The following MACROD2 variants were observed in gnomAD, a reference collection of about 807,000 sequenced individuals.
MACROD2 encodes mono-ADP ribosylhydrolase 2.
Under a neutral mutation model 70.4 loss-of-function variants are expected in MACROD2, and 36 were observed. The observed-to-expected ratio is 0.51, with a 90% CI of 0.39 to 0.68. The LOEUF is 0.68. Ranked by LOEUF, MACROD2 falls within the 30% of genes least tolerant of loss-of-function variation. The probability of loss-of-function intolerance (pLI) is 0.00; values close to 1 mark genes in which losing one functional copy is unlikely to be tolerated. For missense variants in MACROD2, 496 were observed against 538.4 expected (o/e 0.92, Z 0.78); for synonymous variants, 172 against 178.8 (o/e 0.96, Z 0.30).
At chr20:14,264,013 ACACACACACACAC>A (rs2082122551) in intron 3 of MACROD2, among the ~76,000 whole-genome samples, 1 of 127,464 alleles carries the variant, frequency 7.8e-6, no homozygotes, top group African/African-American at 2.8e-5. Flanking sequence ...ACACACACAC[ACACACACACACAC>A]AACACAAGTG....
chr20:14,522,060 A>G (rs2085174377), intron 4 of MACROD2, among the ~76,000 whole-genome samples: 1 of 152,204 alleles, frequency 6.6e-6, no homozygotes, highest in Non-Finnish European at 1.5e-5. Context: ...ATGAGAGGAC[A>G]GGCAGGACTC....
At position 14,659,564 on chromosome 20, in the gene MACROD2, T is replaced by C. The variant is rs184781107; in HGVS notation, c.302-25279T>C. Among the ~76,000 whole-genome samples the C allele has an allele frequency of 5.3e-5, 8 of 152,256 alleles. 1 individual carries two copies. The East Asian group carries it at 1.5e-3, about 29-fold the overall frequency. Reference sequence around the variant, plus strand: ...TCTCCAAGATGAGCAAATCCCTTAATTGTATTTCAAAAATTCTCCCCAGTT... The same window carrying C: ...TCTCCAAGATGAGCAAATCCCTTAACTGTATTTCAAAAATTCTCCCCAGTT... On this transcript the variant is annotated intron_variant, in intron 4 of 17. Coordinates refer to ENST00000684519, the MANE Select transcript of MACROD2 (RefSeq NM_001351661.2).
At chr20:14,459,515 T>G (rs1236816744) in intron 3 of MACROD2, among the ~76,000 whole-genome samples, 2 of 151,896 alleles carry the variant, frequency 1.3e-5, no homozygotes, top group East Asian at 3.8e-4. Flanking sequence ...TATATATGTG[T>G]GTATGTATGT....
At chr20:14,991,011 C>T (rs2074898887) in intron 5 of MACROD2, among the ~76,000 whole-genome samples, 1 of 152,170 alleles carries the variant, frequency 6.6e-6, no homozygotes, top group Non-Finnish European at 1.5e-5. Context: ...GTGAGACTGT[C>T]TCTTTTTCAA....
intron 8 of MACROD2, among the ~76,000 whole-genome samples, chr20:15,548,236 C>T (rs1415088229): frequency 6.6e-6 from 1 of 152,078 alleles, no homozygotes; most frequent in Non-Finnish European, 1.5e-5. Flanking sequence ...TAGGAAAGAC[C>T]TTCTTTTTCA....
chr20:14,869,905 C>T (rs561228747), intron 5 of MACROD2, among the ~76,000 whole-genome samples: 1 of 152,252 alleles, frequency 6.6e-6, no homozygotes, highest in African/African-American at 2.4e-5. Context: ...GCAGTAACTG[C>T]ACCATACAAC....
At chr20:15,409,835 G>A (rs1391578674) in intron 6 of MACROD2, among the ~76,000 whole-genome samples, 2 of 152,164 alleles carry the variant, frequency 1.3e-5, no homozygotes, top group African/African-American at 4.8e-5. Context: ...CAATGAGAAG[G>A]CACTGATGTA....
intron 5 of MACROD2, chr20:14,905,380 G>C (rs1020104434): frequency 2.6e-5 from 4 of 152,056 alleles, no homozygotes; most frequent in African/African-American, 4.8e-5. Context: ...TTACTATGAA[G>C]TCAAACTGCA....
chr20:14,273,032 C>T (rs2082211590), intron 3 of MACROD2, among the ~76,000 whole-genome samples: 1 of 151,656 alleles, frequency 6.6e-6, no homozygotes, highest in South Asian at 2.1e-4. Context: ...TAGACTCCTA[C>T]ACAATAATAA....
intron 5 of MACROD2, among the ~76,000 whole-genome samples, chr20:15,079,366 C>T (rs1044152629): frequency 6.6e-6 from 1 of 152,072 alleles, no homozygotes; most frequent in Admixed American, 6.6e-5. Flanking sequence ...TCCTTCACTT[C>T]TCTTCTGGTC....
intron 5 of MACROD2, among the ~76,000 whole-genome samples, chr20:14,917,380 T>C (rs1005793205): frequency 2.0e-5 from 3 of 152,118 alleles, no homozygotes; most frequent in Non-Finnish European, 2.9e-5. Context: ...GATTGTTCCA[T>C]TGTGGGTCCC....
chr20:14,456,970 G>C (rs1228628215), intron 3 of MACROD2, among the ~76,000 whole-genome samples: 4 of 151,932 alleles, frequency 2.6e-5, no homozygotes, highest in African/African-American at 9.7e-5. Flanking sequence ...GCCCGCCTCG[G>C]CCTCCTGGTT....
chr20:14,820,708 G>A (rs913918700), intron 5 of MACROD2, among the ~76,000 whole-genome samples: 2 of 152,052 alleles, frequency 1.3e-5, no homozygotes, highest in Middle Eastern at 3.4e-3. Context: ...ATAGATTTCC[G>A]TTACATTCTT....
intron 4 of MACROD2, among the ~76,000 whole-genome samples, chr20:14,609,859 G>C (rs1267063733): frequency 6.6e-6 from 1 of 152,124 alleles, no homozygotes; most frequent in Non-Finnish European, 1.5e-5. Context: ...ACAATGGAGA[G>C]AAAATCCCAA....
At chr20:15,535,953 G>A (rs2047868776) in intron 8 of MACROD2, among the ~76,000 whole-genome samples, 2 of 152,202 alleles carry the variant, frequency 1.3e-5, no homozygotes, top group African/African-American at 4.8e-5. Flanking sequence ...CAGAAGGGTA[G>A]GAGTGGCTGG....
At chr20:14,730,216 G>C (rs914398062) in intron 5 of MACROD2, among the ~76,000 whole-genome samples, 5 of 152,054 alleles carry the variant, frequency 3.3e-5, no homozygotes, top group African/African-American at 1.2e-4. Flanking sequence ...ACTGGTTTTT[G>C]ACAATAAAAT....
rs374464781 is a variant in MACROD2, at chr20:14,322,175, AATATATATATATATAT to A, written c.272-171293_272-171278del. On this transcript the variant is annotated intron_variant, in intron 3 of 17. Transcript: ENST00000684519. ...GACTTGTATCTTGATATTCTATTGAAATATATATATATATATATATATATATTTTGTATTTTGCAAA... is the reference window on the plus strand; with the variant it reads ...GACTTGTATCTTGATATTCTATTGAAATATATATATTTTGTATTTTGCAAA... 2.6e-4 allele frequency among the ~76,000 whole-genome samples: 17 copies of A among 66,380 alleles called. 2 individuals carry two copies. Among genetic ancestry groups the A allele is most frequent in the Middle Eastern group, 8.8e-3 (1 of 114 alleles). The allele number at this position is 66,380 out of a possible 152,430, so 43.5% of individuals were successfully genotyped here. A position where few individuals can be genotyped will look rare whatever the true frequency, so the allele number is the denominator to read the frequency against.
At chr20:15,372,825 G>A (rs906526968) in intron 6 of MACROD2, among the ~76,000 whole-genome samples, 6 of 152,160 alleles carry the variant, frequency 3.9e-5, no homozygotes, top group African/African-American at 1.4e-4. Flanking sequence ...GTGAAGGTGG[G>A]AGAATTACTT....
intron 15 of MACROD2, 109 bp from the exon 16 acceptor site, chr20:16,041,092 C>T: frequency 2.3e-6 from 2 of 888,516 alleles, no homozygotes; most frequent in Non-Finnish European, 3.5e-6. Context: ...AGTTGAATCC[C>T]AGGAGTATTT....
Sources: gnomAD v4.1 joint callset for allele counts (sites outside exome capture counted in the v4.1 genomes callset) on GRCh38, gnomAD v4.1.1 for gene constraint, MANE v1.5 for transcripts, NCBI Gene and HGNC (gene_info 2026-07-23, HGNC 2026-07-21) for gene names.